The following HNRNPD variants were observed in gnomAD, a reference collection of about 807,000 sequenced individuals.
HNRNPD encodes heterogeneous nuclear ribonucleoprotein D.
HNRNPD carries 3 observed loss-of-function variants against 47.9 expected under a neutral mutation model. The observed-to-expected ratio is 0.06, with a 90% CI of 0.03 to 0.16. The LOEUF (loss-of-function observed/expected upper bound fraction) is 0.16, where lower values mean the gene tolerates loss of function less well. HNRNPD is among the 10% of genes least tolerant of loss of function. The probability of loss-of-function intolerance (pLI) is 1.00; values close to 1 mark genes in which losing one functional copy is unlikely to be tolerated. For missense variants in HNRNPD, 287 were observed against 454.2 expected (o/e 0.63, Z 3.35); for synonymous variants, 171 against 165.1 (o/e 1.04, Z -0.28).
chr4:82,367,228 T>C (rs1307084446), intron 2 of HNRNPD, among the ~76,000 whole-genome samples: 4 of 152,140 alleles, frequency 2.6e-5, no homozygotes, highest in Non-Finnish European at 5.9e-5. Context: ...AATGACATCT[T>C]GTATGTTTAC....
rs1720265549 is a variant in HNRNPD, at chr4:82,373,684, T to C, written c.-6A>G. On this transcript the variant is annotated 5_prime_UTR_variant, in exon 1 of 9. Coordinates refer to ENST00000313899, the MANE Select transcript of HNRNPD (RefSeq NM_031370.3). ...CCGAACTGCTCCTCCGACATAGTGC[T>C]AGTGTCTCCGCCGCTGCCGCCGAGA... is the stretch of plus-strand genomic sequence containing the variant. The C allele has an allele frequency of 6.5e-7, 1 of 1,530,106 alleles. No individual in the cohort carries two copies. Among genetic ancestry groups the C allele is most frequent in the South Asian group, 1.2e-5 (1 of 83,830 alleles). 94.8% of individuals were successfully genotyped at this position (1,530,106 alleles called of 1,614,324 possible).
At position 82,357,500 on chromosome 4, in the gene HNRNPD, G is replaced by A. The variant is rs1423791915; in HGVS notation, c.622-56C>T. ...AACATGCATTTTATTGACCTTAAAA[G>A]AAACACAAGTTTAGAGGGGGGAAAA... On this transcript the variant is annotated intron_variant, in intron 4 of 8. Transcript: ENST00000313899. 4.1e-6 allele frequency: 6 copies of A among 1,480,320 alleles called. No individual in the cohort carries two copies. In the Admixed American group the frequency reaches 1.4e-4, roughly 34 times the overall value. 91.7% of individuals were successfully genotyped at this position (1,480,320 alleles called of 1,614,324 possible). A position where few individuals can be genotyped will look rare whatever the true frequency, so the allele number is the denominator to read the frequency against.
At chr4:82,368,627 T>C (rs1719881192) in intron 2 of HNRNPD, among the ~76,000 whole-genome samples, 1 of 152,132 alleles carries the variant, frequency 6.6e-6, no homozygotes, top group African/African-American at 2.4e-5. Flanking sequence ...CTCGGGAAAT[T>C]TGTCAAAGGC....
rs564572906 is a variant in HNRNPD at position 82,368,787 on chromosome 4, T to G, written c.290+2741A>C. On this transcript the variant is annotated intron_variant, in intron 2 of 8. Coordinates refer to ENST00000313899, the MANE Select transcript of HNRNPD (RefSeq NM_031370.3). The stretch of plus-strand genomic sequence containing the variant: ...TTTACAAAGCAAACAATGTTCAGAT[T>G]GCCCCAGAAGCACTAAGGTATAAGA... Among the ~76,000 whole-genome samples, 194 of 152,342 alleles carry G rather than the reference T, an allele frequency of 1.3e-3. 1 individual carries two copies. Among genetic ancestry groups the G allele is most frequent in the African/African-American group, 4.6e-3 (190 of 41,586 alleles).
chr4:82,361,146 C>T (rs1367068684), intron 2 of HNRNPD, among the ~76,000 whole-genome samples: 1 of 152,162 alleles, frequency 6.6e-6, no homozygotes, highest in East Asian at 1.9e-4. Context: ...TTGCCAATTT[C>T]ATGGAAGAAA....
chr4:82,367,713 T>C (rs554013264), intron 2 of HNRNPD, among the ~76,000 whole-genome samples: 178 of 152,068 alleles, frequency 1.2e-3, no homozygotes, highest in African/African-American at 4.1e-3. Flanking sequence ...TAAATTGGAG[T>C]CTTCCCTCCC....
intron 5 of HNRNPD, 30 bp downstream of exon 5, chr4:82,357,283 T>C (rs1560433614): frequency 1.3e-6 from 2 of 1,586,412 alleles, no homozygotes; most frequent in Non-Finnish European, 1.7e-6. Context: ...CAGCTAGTTT[T>C]CTCTACAAGT....
At position 82,357,301 on chromosome 4, in the gene HNRNPD, T is replaced by C. The variant is rs1250529666; in HGVS notation, c.753+12A>G. 6.2e-7 allele frequency: 1 copy of C among 1,602,108 alleles called. No homozygotes were observed. The highest frequency in any genetic ancestry group is 8.5e-7 in the Non-Finnish European group (1 of 1,175,774). ...CTAGTTTTCTCTACAAGTAAATGGA[T>C]GCTTAACTTACTTTACTAAGACCAA... On this transcript the variant is annotated intron_variant, in intron 5 of 8. Transcript: ENST00000313899.
At chr4:82,370,792 T>C (rs1259682321) in intron 2 of HNRNPD, among the ~76,000 whole-genome samples, 1 of 152,138 alleles carries the variant, frequency 6.6e-6, no homozygotes, top group African/African-American at 2.4e-5. Context: ...GACTGACATT[T>C]AGGGGAGGGG....
chr4:82,373,182 G>A (rs1330140902), intron 1 of HNRNPD: 3 of 666,700 alleles, frequency 4.5e-6, no homozygotes, highest in South Asian at 3.0e-5. Flanking sequence ...TGGCGAGGGA[G>A]GAAAGGAGGG....
intron 2 of HNRNPD, among the ~76,000 whole-genome samples, chr4:82,364,757 G>A (rs529871921): frequency 6.6e-6 from 1 of 152,224 alleles, no homozygotes; most frequent in Non-Finnish European, 1.5e-5. Flanking sequence ...CTACATTTAT[G>A]CCAGTAATTT....
At position 82,358,868 on chromosome 4, in the gene HNRNPD, G is replaced by A. The variant is rs767095700; in HGVS notation, c.460-48C>T. The stretch of plus-strand genomic sequence containing the variant: ...TTAAAAAATATATATCTTAACTGAA[G>A]TTCAGAGACTATTAACTTACTTAAA... On this transcript the variant is annotated intron_variant, in intron 3 of 8. Transcript: ENST00000313899. The A allele has an allele frequency of 6.7e-6, 9 of 1,334,906 alleles. No individual in the cohort carries two copies. In the South Asian group the frequency reaches 8.0e-5, roughly 12 times the overall value. The allele number at this position is 1,334,906 out of a possible 1,614,324, so 82.7% of individuals were successfully genotyped here.
chr4:82,358,655 A>G lies in HNRNPD; in HGVS notation c.621+4T>C, dbSNP rs754130886. 2 of 1,604,442 alleles carry G rather than the reference A, an allele frequency of 1.2e-6. No homozygotes were observed. Among genetic ancestry groups the G allele is most frequent in the South Asian group, 1.1e-5 (1 of 89,280 alleles). On this transcript the variant is annotated splice_donor_region_variant and intron_variant, in intron 4 of 8. Transcript: ENST00000313899. ...TAAACTGGGTCAAAACATTTATAAC[A>G]TACCTCACCAAAACCACCAAAGTAC...
chr4:82,355,118 T>C (rs771944125), intron 8 of HNRNPD, 186 bp downstream of exon 8: 6 of 581,598 alleles, frequency 1.0e-5, no homozygotes, highest in Non-Finnish European at 1.8e-5. Context: ...GACTTGTTAA[T>C]AATAGGACAA....
chr4:82,373,634 T>C lies in HNRNPD; in HGVS notation c.45A>G (p.Ala15=). 1.3e-6 allele frequency: 2 copies of C among 1,525,558 alleles called. No individual in the cohort carries two copies. The highest frequency in any genetic ancestry group is 8.8e-7 in the Non-Finnish European group (1 of 1,142,596). The allele number at this position is 1,525,558 out of a possible 1,614,324, so 94.5% of individuals were successfully genotyped here. A position where few individuals can be genotyped will look rare whatever the true frequency, so the allele number is the denominator to read the frequency against. The part of the protein sequence containing the change: ...QFGGDGAAAA[A]TAAVGGSAGE... Reference sequence around the variant, plus strand: ...CCGCCGAGCCGCCTACCGCCGCCGTTGCCGCTGCCGCCGCCCCGTCCCCGC... The same window carrying C: ...CCGCCGAGCCGCCTACCGCCGCCGTCGCCGCTGCCGCCGCCCCGTCCCCGC... Residue 15 remains alanine, a synonymous_variant, in exon 1 of 9, where the codon GCA becomes GCG. Transcript: ENST00000313899.
chr4:82,354,180 A>AGTCACTCTG (rs1195305037), intron 8 of HNRNPD, 26 bp from the exon 9 acceptor site: 5 of 152,436 alleles, frequency 3.3e-5, no homozygotes, highest in African/African-American at 1.2e-4. Context: ...AAAAAATAGA[A>AGTCACTCTG]GTCACTCTGG....
intron 4 of HNRNPD, chr4:82,358,455 CAT>C (rs1723822159): frequency 3.9e-6 from 2 of 519,448 alleles, no homozygotes; most frequent in Non-Finnish European, 6.8e-6. Flanking sequence ...CAATACTCTG[CAT>C]AGAGTAGGTG....
rs922241926 is a variant in HNRNPD at position 82,373,942 on chromosome 4, C to T, written c.-264G>A. The T allele has an allele frequency of 2.6e-6, 2 of 781,432 alleles. No homozygotes were observed. Among genetic ancestry groups the T allele is most frequent in the Non-Finnish European group, 3.8e-6 (2 of 532,028 alleles). The allele number at this position is 781,432 out of a possible 1,614,324, so 48.4% of individuals were successfully genotyped here. A position where few individuals can be genotyped will look rare whatever the true frequency, so the allele number is the denominator to read the frequency against. On this transcript the variant is annotated 5_prime_UTR_variant, in exon 1 of 9. Coordinates refer to ENST00000313899, the MANE Select transcript of HNRNPD (RefSeq NM_031370.3). The stretch of plus-strand genomic sequence containing the variant: ...TAAGCACCAGCGGCGGCCGCTCTCG[C>T]CTCCTCCTCGCTTTAATGGCGCCGC...
At chr4:82,370,684 A>G (rs2110003657) in intron 2 of HNRNPD, among the ~76,000 whole-genome samples, 4 of 152,346 alleles carry the variant, frequency 2.6e-5, no homozygotes, top group Admixed American at 2.6e-4. Context: ...TGTAGCTTGT[A>G]AAGATATAAG....
Sources: allele counts gnomAD v4.1 joint callset (sites outside exome capture counted in the v4.1 genomes callset), GRCh38; gene constraint gnomAD v4.1.1; transcripts MANE v1.5; gene names NCBI Gene and HGNC (gene_info 2026-07-23, HGNC 2026-07-21).